STAT3: variants seen among roughly 807,000 people sequenced by gnomAD.
STAT3 encodes DNA-binding protein APRF.
Under a neutral mutation model 114.3 loss-of-function variants are expected in STAT3, and 7 were observed. That is an observed-to-expected ratio of 0.06 (90% CI 0.03 to 0.11). The LOEUF (loss-of-function observed/expected upper bound fraction) is 0.11. STAT3 is among the 10% of genes least tolerant of loss of function. The pLI, the probability that STAT3 is intolerant of heterozygous loss-of-function variation, is 1.00. For missense variants in STAT3, 364 were observed against 960.9 expected (o/e 0.38, Z 8.21); for synonymous variants, 331 against 354.5 (o/e 0.93, Z 0.74).
intron 1 of STAT3, among the ~76,000 whole-genome samples, chr17:42,360,059 CAAAAAAA>C (rs71157617): frequency 6.3e-5 from 3 of 47,490 alleles, no homozygotes; most frequent in Non-Finnish European, 7.9e-5. Context: ...GACTCCGTCT[CAAAAAAA>C]AAAAAAAAAA....
rs2144775447 is a variant in STAT3 at position 42,329,661 on chromosome 17, G to A, written c.1140-14C>T. On this transcript the variant is annotated splice_polypyrimidine_tract_variant and intron_variant, in intron 12 of 23. Coordinates refer to ENST00000264657, the MANE Select transcript of STAT3 (RefSeq NM_139276.3). Reference sequence around the variant, plus strand: ...AATTTCCGGGATCTGAATCACAGGGGAACAATCAACTATGTAGGTGACCAA... The same window carrying A: ...AATTTCCGGGATCTGAATCACAGGGAAACAATCAACTATGTAGGTGACCAA... The A allele has an allele frequency of 6.2e-7, 1 of 1,614,104 alleles. No homozygotes were observed. The highest frequency in any genetic ancestry group is 8.5e-7 in the Non-Finnish European group (1 of 1,179,956).
chr17:42,366,216 C>G (rs1178225047), intron 1 of STAT3, among the ~76,000 whole-genome samples: 1 of 152,160 alleles, frequency 6.6e-6, no homozygotes, highest in East Asian at 1.9e-4. Flanking sequence ...GGCTTCTCCT[C>G]CAGTCTCCCC....
In STAT3 at chr17:42,314,670, TA is replaced by T. The variant is rs959919684; in HGVS notation, c.*1074del. 3.6e-5 allele frequency: 8 copies of T among 224,814 alleles called. No homozygotes were observed. Among genetic ancestry groups the T allele is most frequent in the Admixed American group, 1.1e-4 (2 of 17,484 alleles). 13.9% of individuals were successfully genotyped at this position (224,814 alleles called of 1,614,324 possible). On this transcript the variant is annotated 3_prime_UTR_variant, in exon 24 of 24. Transcript: ENST00000264657. ...TTACAAAGGAAAATAAGTCTATTTATAAAAAAAAGTCTAAAATGCTTAGATT... is the reference window on the plus strand; with the variant it reads ...TTACAAAGGAAAATAAGTCTATTTATAAAAAAAGTCTAAAATGCTTAGATT...
intron 1 of STAT3, among the ~76,000 whole-genome samples, chr17:42,375,462 A>G (rs879155436): frequency 6.6e-6 from 1 of 152,200 alleles, no homozygotes; most frequent in Non-Finnish European, 1.5e-5. Context: ...CTTATGTTAA[A>G]ACCTTTAGAC....
At chr17:42,326,240 G>A (rs756425624) in intron 14 of STAT3, 41 bp from the exon 15 acceptor site, 7 of 1,579,310 alleles carry the variant, frequency 4.4e-6, no homozygotes, top group Non-Finnish European at 6.1e-6. Flanking sequence ...AGGTGTGGTG[G>A]CTCATGCCTG....
chr17:42,316,544 A>G (rs547224085), intron 23 of STAT3: 2 of 1,064,578 alleles, frequency 1.9e-6, no homozygotes, highest in African/African-American at 3.2e-5. Flanking sequence ...TGTTAAATTG[A>G]GAGTATGTTG....
chr17:42,320,295 C>G (rs944682693), intron 21 of STAT3, among the ~76,000 whole-genome samples: 1 of 152,208 alleles, frequency 6.6e-6, no homozygotes, highest in African/African-American at 2.4e-5. Flanking sequence ...TCTGCCCCAT[C>G]TCAAGAAATC....
intron 1 of STAT3, among the ~76,000 whole-genome samples, chr17:42,356,022 T>C (rs1325394935): frequency 1.3e-5 from 2 of 152,200 alleles, no homozygotes; most frequent in Non-Finnish European, 2.9e-5. Context: ...CCTATACTTT[T>C]ATTATAAATA....
intron 1 of STAT3, among the ~76,000 whole-genome samples, chr17:42,356,435 A>T (rs941153612): frequency 4.0e-5 from 6 of 151,744 alleles, no homozygotes; most frequent in Non-Finnish European, 8.8e-5. Context: ...AGCTTGGGTG[A>T]CACAGCGAGA....
Position 42,322,293 on chromosome 17 carries a change from G to C in STAT3, c.2090C>G (p.Ala697Gly), listed in dbSNP as rs1425974175. 1 of 1,614,128 alleles carries C rather than the reference G, an allele frequency of 6.2e-7. No individual in the cohort carries two copies. The highest frequency in any genetic ancestry group is 1.6e-4 in the Middle Eastern group (1 of 6,082). ...CRPESQEHPE[A>G]DPGSAAPYLK... is the part of the protein sequence containing the mutation. ...GGAAAATCAACAACTACCTGGGTCAGCTTCAGGATGCTCCTGGCTCTCTGG... is the reference window on the plus strand; with the variant it reads ...GGAAAATCAACAACTACCTGGGTCACCTTCAGGATGCTCCTGGCTCTCTGG... The change falls in exon 21 of 24, where the codon GCT becomes GGT. Residue 697 changes from alanine (A) to glycine (G), a missense_variant. Ala to Gly is a moderately conservative substitution (Grantham distance 60). Around this residue, in one of 5 missense-constraint regions of STAT3, gnomAD observed 21 missense variants for 43.2 expected, o/e 0.49. Coordinates refer to ENST00000264657, the MANE Select transcript of STAT3 (RefSeq NM_139276.3).
At chr17:42,368,114 A>G (rs1488599328) in intron 1 of STAT3, among the ~76,000 whole-genome samples, 1 of 152,214 alleles carries the variant, frequency 6.6e-6, no homozygotes, top group Admixed American at 6.5e-5. Context: ...AAGCAGGAAG[A>G]TCACTTGAGC....
intron 4 of STAT3, among the ~76,000 whole-genome samples, chr17:42,343,524 G>T (rs1425816859): frequency 8.8e-5 from 12 of 136,344 alleles, no homozygotes; most frequent in African/African-American, 3.3e-4. Flanking sequence ...GCGCAATCTT[G>T]GTTCACTACA....
intron 11 of STAT3, among the ~76,000 whole-genome samples, chr17:42,331,188 G>GT: frequency 6.6e-6 from 1 of 152,288 alleles, no homozygotes; most frequent in South Asian, 2.1e-4. Flanking sequence ...CATGATCTCA[G>GT]TCTTATATAT....
At chr17:42,328,583 T>C (rs1432827431) in intron 14 of STAT3, among the ~76,000 whole-genome samples, 1 of 152,114 alleles carries the variant, frequency 6.6e-6, no homozygotes, top group Non-Finnish European at 1.5e-5. Flanking sequence ...AATTTTTGTA[T>C]CTTTAGTAGA....
In STAT3 at chr17:42,324,161, A is replaced by C. The variant is rs2081601340; in HGVS notation, c.1601-536T>G. 1.3e-5 allele frequency among the ~76,000 whole-genome samples: 2 copies of C among 152,130 alleles called. 1 individual carries two copies. Among genetic ancestry groups the C allele is most frequent in the South Asian group, 4.1e-4 (2 of 4,830 alleles). On this transcript the variant is annotated intron_variant, in intron 17 of 23. Transcript: ENST00000264657. The surrounding 1 kb of genome is among the most constrained non-coding windows in gnomAD (Gnocchi z 4.5). ...TGGTAAAACCCCGTCTCTACTAAAA[A>C]TACAAAAATTAGCTGGGCGTGGTGG...
At chr17:42,317,052 C>T (rs1195450863) in intron 22 of STAT3, 130 bp downstream of exon 22, 3 of 1,571,028 alleles carry the variant, frequency 1.9e-6, no homozygotes, top group African/African-American at 1.4e-5. Flanking sequence ...CACACAAGGT[C>T]ACTTTGAGTA....
At chr17:42,382,242 T>G (rs2084839117) in intron 1 of STAT3, among the ~76,000 whole-genome samples, 1 of 152,258 alleles carries the variant, frequency 6.6e-6, no homozygotes, top group African/African-American at 2.4e-5. Flanking sequence ...CTTGGATATT[T>G]AGTAAGAACT....
chr17:42,371,738 T>C (rs1401446293), intron 1 of STAT3, among the ~76,000 whole-genome samples: 1 of 150,380 alleles, frequency 6.6e-6, no homozygotes, highest in African/African-American at 2.5e-5. Context: ...TCCTAACACT[T>C]TGGGAAGCTG....
chr17:42,317,324 C>G, intron 21 of STAT3, 100 bp from the exon 22 acceptor site: 1 of 1,332,794 alleles, frequency 7.5e-7, no homozygotes, highest in Non-Finnish European at 1.1e-6. Flanking sequence ...ATTTGAAACT[C>G]ACTCATCCTC....
Sources: allele counts gnomAD v4.1 joint callset (sites outside exome capture counted in the v4.1 genomes callset), GRCh38; gene constraint gnomAD v4.1.1; regional missense constraint gnomAD v4.1.1; non-coding constraint Gnocchi (gnomAD v3.1); transcripts MANE v1.5; gene names NCBI Gene and HGNC (gene_info 2026-07-23, HGNC 2026-07-21).